The following ERC2 variants were observed in gnomAD, a reference collection of about 807,000 sequenced individuals.
ERC2 encodes the protein ELKS/RAB6-interacting/CAST family member 2, also known as ERC protein 2.
A neutral mutation model predicts 114.8 loss-of-function variants in ERC2; 42 were observed. That is an observed-to-expected ratio of 0.37 (90% CI 0.29 to 0.47). The LOEUF (loss-of-function observed/expected upper bound fraction) is 0.47, where lower values mean the gene tolerates loss of function less well. Among genes scored for constraint, ERC2 ranks in the 20% least tolerant of loss-of-function variants. ERC2 has a pLI of 0.99. For synonymous variants in ERC2, 454 were observed against 425.5 expected (o/e 1.07, Z -0.82); for missense variants, 939 against 1,150.7 (o/e 0.82, Z 2.66).
At chr3:55,547,527 T>C (rs1448059248) in intron 17 of ERC2, among the ~76,000 whole-genome samples, 3 of 152,240 alleles carry the variant, frequency 2.0e-5, no homozygotes, top group African/African-American at 7.2e-5. Flanking sequence ...TCTCATAAAA[T>C]GTCTCATTGT....
intron 1 of ERC2, among the ~76,000 whole-genome samples, chr3:56,456,698 A>ATAGT (rs1390695254): frequency 6.6e-6 from 1 of 152,222 alleles, no homozygotes; most frequent in African/African-American, 2.4e-5. Context: ...TATGAGCTAA[A>ATAGT]TAGTTCTCCC....
intron 17 of ERC2, among the ~76,000 whole-genome samples, chr3:55,645,917 C>T (rs945569749): frequency 3.9e-5 from 6 of 152,138 alleles, no homozygotes; most frequent in Non-Finnish European, 8.8e-5. Flanking sequence ...CCTTTCAGTG[C>T]ATTCTTCCAA....
chr3:55,870,060 T>C (rs1306807049), intron 14 of ERC2, among the ~76,000 whole-genome samples: 7 of 151,348 alleles, frequency 4.6e-5, no homozygotes, highest in African/African-American at 1.5e-4. Flanking sequence ...AAAGTTGTTA[T>C]AGTATAAAAA....
At chr3:55,938,537 TC>T (rs1486268223) in intron 13 of ERC2, among the ~76,000 whole-genome samples, 6 of 152,286 alleles carry the variant, frequency 3.9e-5, no homozygotes, top group African/African-American at 1.4e-4. Context: ...CGTCATTAAG[TC>T]AGGTTAAGAG....
intron 17 of ERC2, among the ~76,000 whole-genome samples, chr3:55,631,230 A>G (rs1450783488): frequency 6.6e-6 from 1 of 152,172 alleles, no homozygotes; most frequent in Non-Finnish European, 1.5e-5. Context: ...ATGAATGTTT[A>G]ATTGAGTTCT....
intron 3 of ERC2, among the ~76,000 whole-genome samples, chr3:56,198,014 G>A (rs558759226): frequency 6.6e-6 from 1 of 152,298 alleles, no homozygotes; most frequent in Admixed American, 6.5e-5. Context: ...TAGGAACTAA[G>A]AGGAATAAAC....
intron 6 of ERC2, among the ~76,000 whole-genome samples, chr3:56,107,162 G>T (rs571013054): frequency 2.6e-5 from 4 of 151,804 alleles, no homozygotes; most frequent in Non-Finnish European, 5.9e-5. Context: ...AGGGGGAAAT[G>T]AAAGAAATGC....
intron 3 of ERC2, among the ~76,000 whole-genome samples, chr3:56,250,866 A>G (rs1037664933): frequency 2.6e-5 from 4 of 152,242 alleles, no homozygotes; most frequent in African/African-American, 7.2e-5. Context: ...CTTTAACCTT[A>G]TAACAGTGAG....
intron 14 of ERC2, among the ~76,000 whole-genome samples, chr3:55,735,312 TAAAG>T (rs2065564181): frequency 1.3e-5 from 2 of 152,230 alleles, no homozygotes; most frequent in South Asian, 4.1e-4. Flanking sequence ...GCATAATTTA[TAAAG>T]AAAAGATGTT....
rs550889930 is a variant in ERC2, at chr3:55,894,017, C to T, written c.2404-5468G>A. Among the ~76,000 whole-genome samples, 3 of 152,140 alleles carry T rather than the reference C, an allele frequency of 2.0e-5. No individual in the cohort carries two copies. In the East Asian group the frequency reaches 5.8e-4, roughly 29 times the overall value. ...GTGCTGAGCCTGGCAAATATGAAAA[C>T]ACTTAGTATATTCTTAACACAAGAG... On this transcript the variant is annotated intron_variant, in intron 13 of 17. Transcript: ENST00000288221.
At position 55,982,503 on chromosome 3, in the gene ERC2, G is replaced by T. The variant is rs2070233227; in HGVS notation, c.2267+3474C>A. On this transcript the variant is annotated intron_variant, in intron 12 of 17. Coordinates refer to ENST00000288221, the MANE Select transcript of ERC2 (RefSeq NM_015576.3). ...AAAAAAAGTAATTAATTCAGTGCTG[G>T]CACTTAATTAACACCAAATGTATTA... is the stretch of plus-strand genomic sequence containing the variant. 3.3e-5 allele frequency among the ~76,000 whole-genome samples: 5 copies of T among 151,966 alleles called. No individual in the cohort carries two copies. The South Asian group carries it at 1.0e-3, about 32-fold the overall frequency.
At chr3:55,950,378 G>A in intron 13 of ERC2, 47 bp downstream of exon 13, 1 of 1,605,174 alleles carries the variant, frequency 6.2e-7, no homozygotes, top group Non-Finnish European at 8.5e-7. Context: ...TTCTGAGAGA[G>A]TCCATCTCTA....
chr3:55,614,791 T>C (rs1226409679), intron 17 of ERC2, among the ~76,000 whole-genome samples: 1 of 152,186 alleles, frequency 6.6e-6, no homozygotes, highest in Non-Finnish European at 1.5e-5. Context: ...GAAAAAACGT[T>C]GAGTGACTTA....
chr3:56,155,442 T>A (rs1270933234), intron 4 of ERC2, among the ~76,000 whole-genome samples: 3 of 151,620 alleles, frequency 2.0e-5, no homozygotes, highest in Non-Finnish European at 4.4e-5. Context: ...CCTATCTGAA[T>A]GATTGGGCCC....
At chr3:55,893,869 C>G (rs945681583) in intron 13 of ERC2, among the ~76,000 whole-genome samples, 1 of 152,124 alleles carries the variant, frequency 6.6e-6, no homozygotes, top group African/African-American at 2.4e-5. Flanking sequence ...TGTGCATATG[C>G]TCATGTGTGT....
At chr3:56,125,557 A>T (rs1257735441) in intron 6 of ERC2, among the ~76,000 whole-genome samples, 1 of 152,204 alleles carries the variant, frequency 6.6e-6, no homozygotes, top group East Asian at 1.9e-4. Context: ...TCTTACAGCG[A>T]CTGGCTAGAT....
At chr3:55,788,223 T>A (rs9311582) in intron 14 of ERC2, among the ~76,000 whole-genome samples, 11,357 of 152,180 alleles carry the variant, frequency 0.075, 724 homozygotes, top group African/African-American at 0.17. Context: ...AATTGGGATG[T>A]AGATCTACAT....
intron 17 of ERC2, among the ~76,000 whole-genome samples, chr3:55,522,444 T>C (rs2053024192): frequency 6.6e-6 from 1 of 152,166 alleles, no homozygotes; most frequent in Admixed American, 6.5e-5. Flanking sequence ...CAATCTTTGT[T>C]TATGAAAACT....
intron 2 of ERC2, among the ~76,000 whole-genome samples, chr3:56,420,310 AAGT>A (rs1012457504): frequency 1.3e-5 from 2 of 149,556 alleles, no homozygotes; most frequent in Admixed American, 6.8e-5. Context: ...TCAGCCTCAC[AAGT>A]AGCTGGGACC....
Sources: gnomAD v4.1 joint callset for allele counts (sites outside exome capture counted in the v4.1 genomes callset) on GRCh38, gnomAD v4.1.1 for gene constraint, MANE v1.5 for transcripts, NCBI Gene and HGNC (gene_info 2026-07-23, HGNC 2026-07-21) for gene names.